The following MGAT5 variants were observed in gnomAD, a reference collection of about 807,000 sequenced individuals.
MGAT5 encodes the protein alpha-1,6-mannosylglycoprotein 6-beta-N-acetylglucosaminyltransferase A.
Under a neutral mutation model 94.3 loss-of-function variants are expected in MGAT5, and 30 were observed. That is an observed-to-expected ratio of 0.32 (90% confidence interval 0.24 to 0.43). The LOEUF (loss-of-function observed/expected upper bound fraction) is 0.43. Ranked by LOEUF, MGAT5 falls within the 20% of genes least tolerant of loss-of-function variation. The probability of loss-of-function intolerance (pLI) is 1.00; values close to 1 mark genes in which losing one functional copy is unlikely to be tolerated. For missense variants in MGAT5, 691 were observed against 905.5 expected (o/e 0.76, Z 3.04); for synonymous variants, 310 against 322.9 (o/e 0.96, Z 0.43).
At chr2:134,277,019 A>G (rs1184872659) in intron 2 of MGAT5, among the ~76,000 whole-genome samples, 1 of 152,138 alleles carries the variant, frequency 6.6e-6, no homozygotes, top group Non-Finnish European at 1.5e-5. Flanking sequence ...TTCCATGAGG[A>G]CTGTAGCCAC....
intron 2 of MGAT5, among the ~76,000 whole-genome samples, chr2:134,303,191 C>T (rs1299050513): frequency 6.6e-6 from 1 of 152,144 alleles, no homozygotes; most frequent in Non-Finnish European, 1.5e-5. Context: ...CTTTTATTCA[C>T]TGATGACCGT....
chr2:134,310,770 G>A (rs1007685554), intron 2 of MGAT5, among the ~76,000 whole-genome samples: 8 of 152,210 alleles, frequency 5.3e-5, no homozygotes, highest in African/African-American at 1.9e-4. Flanking sequence ...TGACTGGTGA[G>A]GTCATTTTCA....
intron 14 of MGAT5, among the ~76,000 whole-genome samples, chr2:134,430,216 G>C (rs1339750906): frequency 1.3e-5 from 2 of 152,232 alleles, no homozygotes; most frequent in Non-Finnish European, 1.5e-5. Flanking sequence ...CTCTTTGCCT[G>C]TCTCCACGTC....
chr2:134,127,444 A>G (rs1457951438), intron 1 of MGAT5, among the ~76,000 whole-genome samples: 2 of 151,580 alleles, frequency 1.3e-5, no homozygotes, highest in East Asian at 2.0e-4. Flanking sequence ...GAGGTTCACC[A>G]TTCCTCCTTT....
At chr2:134,222,054 G>A (rs1487615867) in intron 1 of MGAT5, among the ~76,000 whole-genome samples, 2 of 151,920 alleles carry the variant, frequency 1.3e-5, no homozygotes, top group African/African-American at 4.8e-5. Flanking sequence ...AAATATTAGC[G>A]ATTTGGATAA....
intron 10 of MGAT5, among the ~76,000 whole-genome samples, chr2:134,381,364 T>TAGATAGATAAGATA (rs150819045): frequency 3.1e-5 from 3 of 95,586 alleles, no homozygotes; most frequent in African/African-American, 1.2e-4. Flanking sequence ...GATAGATAGA[T>TAGATAGATAAGATA]AGATAAGATA....
chr2:134,282,708 A>C (rs970467604), intron 2 of MGAT5, among the ~76,000 whole-genome samples: 1 of 152,208 alleles, frequency 6.6e-6, no homozygotes, highest in African/African-American at 2.4e-5. Flanking sequence ...ACATAAACAC[A>C]TCTGGTGAAA....
chr2:134,366,775 G>A (rs1680458110), intron 10 of MGAT5, among the ~76,000 whole-genome samples: 2 of 152,218 alleles, frequency 1.3e-5, no homozygotes. Flanking sequence ...TGAGCAGCAA[G>A]GTCTTAGGAT....
chr2:134,380,433 C>T lies in MGAT5; in HGVS notation c.1380+18025C>T, dbSNP rs914514426. Among the ~76,000 whole-genome samples the T allele has an allele frequency of 3.3e-5, 5 of 152,074 alleles. No individual in the cohort carries two copies. The East Asian group carries it at 5.8e-4, about 18-fold the overall frequency. On this transcript the variant is annotated intron_variant, in intron 10 of 15. Transcript: ENST00000281923. Reference sequence around the variant, plus strand: ...TGCTGTTGTTAGAATGCAAGTGCACCCTTTCTGGCCTGTTGTGATGCAAGT... The same window carrying T: ...TGCTGTTGTTAGAATGCAAGTGCACTCTTTCTGGCCTGTTGTGATGCAAGT...
rs760320533 is a variant in MGAT5, at chr2:134,254,544, C to T, written c.141C>T (p.Arg47=). 6.6e-5 allele frequency: 106 copies of T among 1,614,058 alleles called. No individual in the cohort carries two copies. The highest frequency in any genetic ancestry group is 1.6e-4 in the Middle Eastern group (1 of 6,084). The part of the protein sequence containing the change: ...RTQPESSSML[R]EQILDLSKRY... ...AGCCTGAAAGCAGCTCCATGCTGCG[C>T]GAGCAGATCCTGGACCTCAGCAAAA... is the stretch of plus-strand genomic sequence containing the variant. Residue 47 remains arginine (R), a synonymous_variant, in exon 1 of 16, where the codon CGC becomes CGT. Coordinates refer to ENST00000281923, the MANE Select transcript of MGAT5 (RefSeq NM_002410.5).
Position 134,338,340 on chromosome 2 carries a change from C to G in MGAT5, c.727C>G (p.Arg243Gly). The stretch of plus-strand genomic sequence containing the variant: ...ATTCCGGTGGATGAGACTACGGATC[C>G]GGCGAATGGCTGACGCATGGATCCA... ...EEFRWMRLRI[R>G]RMADAWIQAI... Residue 243 changes from arginine (R) to glycine (G), a missense_variant, in exon 6 of 16, where the codon CGG becomes GGG. By Grantham distance (125) the Arg-to-Gly change is moderately radical. Around this residue, in one of 4 missense-constraint regions of MGAT5, gnomAD observed 307 missense variants for 335.4 expected, o/e 0.92. Coordinates refer to ENST00000281923, the MANE Select transcript of MGAT5 (RefSeq NM_002410.5). 3.1e-6 allele frequency: 5 copies of G among 1,612,962 alleles called. No individual in the cohort carries two copies. Among genetic ancestry groups the G allele is most frequent in the Non-Finnish European group, 4.2e-6 (5 of 1,179,422 alleles).
chr2:134,308,394 A>G (rs978054070), intron 2 of MGAT5, among the ~76,000 whole-genome samples: 5 of 152,160 alleles, frequency 3.3e-5, no homozygotes, highest in African/African-American at 9.7e-5. Context: ...GACCAATAGA[A>G]TGGCTCTTCT....
upstream of MGAT5, chr2:134,120,073 A>G (rs187480797): frequency 4.0e-3 from 615 of 152,084 alleles, 3 homozygotes; most frequent in African/African-American, 0.014. Flanking sequence ...CTGAGTGTGG[A>G]CGCGCCGCGC....
rs1196304992 is a variant in MGAT5 at position 134,254,485 on chromosome 2, A to C, written c.82A>C (p.Met28Leu). 6.2e-7 allele frequency: 1 copy of C among 1,614,168 alleles called. No homozygotes were observed. The highest frequency in any genetic ancestry group is 1.7e-5 in the Admixed American group (1 of 60,026). ...LVTFGFIWGM[M>L]LLHFTIQQRT... ...GACTTTTGGCTTCATTTGGGGTATG[A>C]TGCTTCTGCACTTTACCATCCAGCA... Residue 28 changes from methionine (M) to leucine (L), a missense_variant, in exon 1 of 16, where the codon ATG (methionine) becomes CTG (leucine). Transcript: ENST00000281923.
intron 1 of MGAT5, among the ~76,000 whole-genome samples, chr2:134,221,275 G>C (rs531690463): frequency 1.3e-5 from 2 of 152,188 alleles, no homozygotes; most frequent in Non-Finnish European, 2.9e-5. Context: ...CATTGGTTTG[G>C]TTTAGAAAGG....
In MGAT5 at chr2:134,430,967, G is replaced by A. The variant is rs576703945; in HGVS notation, c.1869+2528G>A. ...GCTTGGGGATCACATGGCCCAGCCC[G>A]CCGAGGGAGGACGGGGGAGAAATGG... On this transcript the variant is annotated intron_variant, in intron 14 of 15. Transcript: ENST00000281923. Among the ~76,000 whole-genome samples, 12 of 152,318 alleles carry A rather than the reference G, an allele frequency of 7.9e-5. No individual in the cohort carries two copies. The South Asian group carries it at 2.1e-3, about 26-fold the overall frequency.
chr2:134,277,854 AAC>A (rs1216642047), intron 2 of MGAT5, among the ~76,000 whole-genome samples: 3 of 152,238 alleles, frequency 2.0e-5, no homozygotes, highest in Non-Finnish European at 2.9e-5. Flanking sequence ...GTTTCACTGG[AAC>A]ACTTTAAATT....
chr2:134,267,638 A>C (rs906197989), intron 1 of MGAT5, among the ~76,000 whole-genome samples: 2 of 152,232 alleles, frequency 1.3e-5, no homozygotes, highest in African/African-American at 4.8e-5. Context: ...TCTTAATTGT[A>C]AGTATGACAA....
At chr2:134,149,035 G>T (rs1687053794) in intron 1 of MGAT5, among the ~76,000 whole-genome samples, 1 of 152,108 alleles carries the variant, frequency 6.6e-6, no homozygotes, top group East Asian at 1.9e-4. Flanking sequence ...AAAGTGCTGG[G>T]ATTACAGCCG....
Sources: allele counts gnomAD v4.1 joint callset (sites outside exome capture counted in the v4.1 genomes callset), GRCh38; gene constraint gnomAD v4.1.1; regional missense constraint gnomAD v4.1.1; transcripts MANE v1.5; gene names NCBI Gene and HGNC (gene_info 2026-07-23, HGNC 2026-07-21).